Variants in PRKG1 observed in about 807,000 individuals in gnomAD.
The protein encoded by PRKG1 is protein kinase cGMP-dependent 1, also known as cGMP-dependent protein kinase 1.
In PRKG1, 35 loss-of-function variants were observed where a neutral mutation model predicts 88.1. That is an observed-to-expected ratio of 0.40 (90% CI 0.30 to 0.53). PRKG1 has a LOEUF of 0.53. PRKG1 is among the 20% of genes least tolerant of loss of function. The probability of loss-of-function intolerance (pLI) is 0.59; values close to 1 mark genes in which losing one functional copy is unlikely to be tolerated. For missense variants in PRKG1, 540 were observed against 839.8 expected (o/e 0.64, Z 4.41); for synonymous variants, 303 against 292.5 (o/e 1.04, Z -0.37).
At chr10:51,097,947 T>TA (rs1391720795) in intron 1 of PRKG1, among the ~76,000 whole-genome samples, 2 of 52,316 alleles carry the variant, frequency 3.8e-5, no homozygotes, top group Non-Finnish European at 5.7e-5. Flanking sequence ...CCCAGTTAAC[T>TA]GGAAAAAAAC....
chr10:51,200,539 C>G (rs1290063841), intron 2 of PRKG1, among the ~76,000 whole-genome samples: 1 of 152,138 alleles, frequency 6.6e-6, no homozygotes, highest in Non-Finnish European at 1.5e-5. Context: ...TATTGTCTCC[C>G]TTACCAGATT....
intron 2 of PRKG1, among the ~76,000 whole-genome samples, chr10:51,364,645 A>C (rs1842552367): frequency 6.6e-6 from 1 of 151,982 alleles, no homozygotes; most frequent in Non-Finnish European, 1.5e-5. Context: ...GCCAAGCTCA[A>C]ATGGATGGAT....
rs369811301 is a variant in PRKG1 at position 52,251,584 on chromosome 10, C to T, written c.1091C>T (p.Ala364Val). The change falls in exon 10 of 18, where the codon GCG becomes GTG. Residue 364 changes from alanine (A) to valine (V), a missense_variant. Physicochemically the swap from Ala to Val is moderately conservative, Grantham distance 64. Transcript: ENST00000373980. ...AEAKAKYEAE[A>V]AFFANLKLSD... ...AAAAAATCCAGATATGAAGCTGAAGCGGCTTTCTTCGCCAACCTGAAGCTG... is the reference window on the plus strand; with the variant it reads ...AAAAAATCCAGATATGAAGCTGAAGTGGCTTTCTTCGCCAACCTGAAGCTG... 2.2e-5 allele frequency: 35 copies of T among 1,613,318 alleles called. No individual in the cohort carries two copies. The highest frequency in any genetic ancestry group is 1.1e-4 in the African/African-American group (8 of 74,856).
intron 2 of PRKG1, among the ~76,000 whole-genome samples, chr10:51,183,132 T>G (rs58429275): frequency 1.3e-5 from 2 of 152,304 alleles, no homozygotes; most frequent in East Asian, 3.9e-4. Flanking sequence ...GGTAGAAATA[T>G]TCAAGTTATT....
At chr10:51,779,191 T>C (rs1166183418) in intron 3 of PRKG1, among the ~76,000 whole-genome samples, 1 of 152,178 alleles carries the variant, frequency 6.6e-6, no homozygotes, top group Non-Finnish European at 1.5e-5. Flanking sequence ...GTACTCTTGA[T>C]CCTGTTAGGT....
intron 3 of PRKG1, among the ~76,000 whole-genome samples, chr10:51,666,268 A>G (rs1326457515): frequency 1.3e-4 from 20 of 152,190 alleles, no homozygotes; most frequent in Admixed American, 1.3e-3. Flanking sequence ...GAAATCAAGT[A>G]TATCTTTGGC....
chr10:51,007,880 C>A (rs1460510034), intron 1 of PRKG1, among the ~76,000 whole-genome samples: 1 of 152,200 alleles, frequency 6.6e-6, no homozygotes, highest in Non-Finnish European at 1.5e-5. Flanking sequence ...ACTTTATTGG[C>A]ATGAATTAAT....
intron 3 of PRKG1, among the ~76,000 whole-genome samples, chr10:51,626,902 T>C (rs950182948): frequency 6.6e-6 from 1 of 152,182 alleles, no homozygotes; most frequent in African/African-American, 2.4e-5. Context: ...TCAGGGCTCT[T>C]TTTTTGTTCA....
At chr10:51,383,851 G>A (rs767771830) in intron 2 of PRKG1, among the ~76,000 whole-genome samples, 2 of 152,132 alleles carry the variant, frequency 1.3e-5, no homozygotes, top group African/African-American at 2.4e-5. Flanking sequence ...GAATGAGAGC[G>A]TAATTCTGTG....
intron 5 of PRKG1, among the ~76,000 whole-genome samples, chr10:52,048,397 GATTAC>G (rs1327215222): frequency 2.0e-5 from 3 of 152,026 alleles, no homozygotes; most frequent in African/African-American, 7.2e-5. Flanking sequence ...TTCAATGAGA[GATTAC>G]ATTAGTCAGA....
At chr10:51,042,789 C>T (rs962133454) in intron 1 of PRKG1, among the ~76,000 whole-genome samples, 2 of 152,164 alleles carry the variant, frequency 1.3e-5, no homozygotes, top group African/African-American at 4.8e-5. Context: ...TAAATCCTAA[C>T]TCCCAATGTG....
At chr10:52,288,898 T>A (rs376417646) in intron 15 of PRKG1, 33 bp from the exon 16 acceptor site, 49 of 1,594,340 alleles carry the variant, frequency 3.1e-5, no homozygotes, top group Non-Finnish European at 3.8e-5. Flanking sequence ...TGTGAAAAAA[T>A]TAGATTTAAT....
chr10:51,352,494 T>C (rs994978950), intron 2 of PRKG1, among the ~76,000 whole-genome samples: 11 of 152,052 alleles, frequency 7.2e-5, no homozygotes, highest in African/African-American at 2.4e-4. Flanking sequence ...TCAGTTATAA[T>C]AGCCACAAGT....
At position 51,674,473 on chromosome 10, in the gene PRKG1, C is replaced by CT. The variant is rs568771429; in HGVS notation, c.593-130110dup. Among the ~76,000 whole-genome samples, 511 of 152,164 alleles carry CT rather than the reference C, an allele frequency of 3.4e-3. 4 individuals are homozygous for CT. Among genetic ancestry groups the CT allele is most frequent in the African/African-American group, 0.012 (492 of 41,504 alleles). ...TCAGTTATACCTACTTCTTTTTTAA[C>CT]TTCAAATTTTCATATCGTATTAAAT... On this transcript the variant is annotated intron_variant, in intron 3 of 17. Coordinates refer to ENST00000373980, the MANE Select transcript of PRKG1 (RefSeq NM_006258.4).
intron 5 of PRKG1, among the ~76,000 whole-genome samples, chr10:51,941,222 T>C (rs1013931342): frequency 2.0e-5 from 3 of 151,896 alleles, no homozygotes; most frequent in East Asian, 3.8e-4. Context: ...TTTAAACAAA[T>C]TTAAAATATT....
intron 4 of PRKG1, among the ~76,000 whole-genome samples, chr10:51,896,448 C>T (rs1841847862): frequency 2.0e-5 from 3 of 151,676 alleles, no homozygotes; most frequent in Non-Finnish European, 4.4e-5. Context: ...GTGGCTCATG[C>T]CTGTAATCTC....
intron 1 of PRKG1, among the ~76,000 whole-genome samples, chr10:51,150,502 T>C (rs1846043240): frequency 6.6e-6 from 1 of 152,216 alleles, no homozygotes; most frequent in South Asian, 2.1e-4. Context: ...AGACCATCTT[T>C]GGGGTTGTAC....
At chr10:52,096,872 T>C (rs1847185622) in intron 7 of PRKG1, among the ~76,000 whole-genome samples, 1 of 152,182 alleles carries the variant, frequency 6.6e-6, no homozygotes, top group East Asian at 1.9e-4. Flanking sequence ...AATGTAATAT[T>C]GTAAGTTTCT....
intron 1 of PRKG1, among the ~76,000 whole-genome samples, chr10:51,119,210 A>T (rs2339628): frequency 4.6e-5 from 7 of 151,824 alleles, no homozygotes; most frequent in Non-Finnish European, 1.0e-4. Context: ...GTTGCACCAC[A>T]TTATGTCTTA....
Sources: gnomAD v4.1 joint callset for allele counts (sites outside exome capture counted in the v4.1 genomes callset) on GRCh38, gnomAD v4.1.1 for gene constraint, MANE v1.5 for transcripts, NCBI Gene and HGNC (gene_info 2026-07-23, HGNC 2026-07-21) for gene names.